The following MAP2K5 variants were observed in gnomAD, a reference collection of about 807,000 sequenced individuals.
MAP2K5 encodes dual specificity mitogen-activated protein kinase kinase 5.
MAP2K5 carries 49 observed loss-of-function variants against 83.1 expected under a neutral mutation model. That is an observed-to-expected ratio of 0.59 (90% CI 0.47 to 0.75). The LOEUF (loss-of-function observed/expected upper bound fraction) is 0.75. Ranked by LOEUF, MAP2K5 falls within the 30% of genes least tolerant of loss-of-function variation. The probability of loss-of-function intolerance (pLI) is 0.00; values close to 1 mark genes in which losing one functional copy is unlikely to be tolerated. For missense variants in MAP2K5, 457 were observed against 557.5 expected (o/e 0.82, Z 1.82); for synonymous variants, 202 against 191.8 (o/e 1.05, Z -0.44).
intron 21 of MAP2K5, among the ~76,000 whole-genome samples, chr15:67,798,367 G>T (rs540169763): frequency 6.6e-6 from 1 of 152,174 alleles, no homozygotes; most frequent in African/African-American, 2.4e-5. Context: ...CAGGCCAGTG[G>T]CACAATTCTG....
chr15:67,710,750 C>T (rs1358043685), intron 16 of MAP2K5, among the ~76,000 whole-genome samples: 13 of 152,064 alleles, frequency 8.5e-5, no homozygotes, highest in African/African-American at 9.7e-5. Context: ...GTGATCCACC[C>T]GCCTTGGCCT....
In MAP2K5 at chr15:67,698,497, T is replaced by C. The variant is rs1022703444; in HGVS notation, c.973-4840T>C. On this transcript the variant is annotated intron_variant, in intron 15 of 21. Coordinates refer to ENST00000178640, the MANE Select transcript of MAP2K5 (RefSeq NM_145160.3). This position sits in a 1 kb window ranked among gnomAD's most constrained non-coding sequence, Gnocchi z 4.5. ...GAGCCACCACGCTCAGCCCAGAAATTCTAATTACTAAAAATTTTATTATGT... is the reference window on the plus strand; with the variant it reads ...GAGCCACCACGCTCAGCCCAGAAATCCTAATTACTAAAAATTTTATTATGT... Among the ~76,000 whole-genome samples, 1 of 152,186 alleles carries C rather than the reference T, an allele frequency of 6.6e-6. No individual in the cohort carries two copies. The highest frequency in any genetic ancestry group is 2.4e-5 in the African/African-American group (1 of 41,448).
At chr15:67,730,714 T>C (rs950608679) in intron 17 of MAP2K5, among the ~76,000 whole-genome samples, 2 of 152,196 alleles carry the variant, frequency 1.3e-5, no homozygotes, top group Non-Finnish European at 2.9e-5. Context: ...ATTGGTTTGA[T>C]TGTTCCTAGG....
intron 3 of MAP2K5, among the ~76,000 whole-genome samples, chr15:67,569,821 C>T (rs943968157): frequency 6.6e-6 from 1 of 152,222 alleles, no homozygotes; most frequent in Non-Finnish European, 1.5e-5. Context: ...GCTCTGCTCC[C>T]AGTTCAGTTC....
Position 67,654,470 on chromosome 15 carries a change from T to A in MAP2K5, c.737-4083T>A, listed in dbSNP as rs191198971. The stretch of plus-strand genomic sequence containing the variant: ...ACAGCATATAGTTGGATCATTTTTT[T>A]AAAAATCAATTCTGCCAATCTCTTA... On this transcript the variant is annotated intron_variant, in intron 11 of 21. Coordinates refer to ENST00000178640, the MANE Select transcript of MAP2K5 (RefSeq NM_145160.3). 7.2e-3 allele frequency among the ~76,000 whole-genome samples: 1,096 copies of A among 152,294 alleles called. 10 individuals are homozygous for A. Among genetic ancestry groups the A allele is most frequent in the Non-Finnish European group, 0.012 (785 of 68,004 alleles).
At chr15:67,739,813 T>C (rs1018063562) in intron 17 of MAP2K5, among the ~76,000 whole-genome samples, 1 of 152,122 alleles carries the variant, frequency 6.6e-6, no homozygotes, top group Non-Finnish European at 1.5e-5. Context: ...TTATCCCATA[T>C]GAACCATGTA....
At chr15:67,602,271 G>C (rs1405779189) in intron 8 of MAP2K5, among the ~76,000 whole-genome samples, 1 of 152,220 alleles carries the variant, frequency 6.6e-6, no homozygotes. Flanking sequence ...GAAAGAGGAA[G>C]AAGGAACATG....
intron 6 of MAP2K5, among the ~76,000 whole-genome samples, chr15:67,589,701 A>G (rs1159374299): frequency 1.3e-5 from 2 of 152,168 alleles, no homozygotes; most frequent in Non-Finnish European, 2.9e-5. Context: ...GCATCTTTAC[A>G]ATAATTGGAA....
rs1368068983 is a variant in MAP2K5, at chr15:67,768,784, T to C, written c.1135-818T>C. Among the ~76,000 whole-genome samples the C allele has an allele frequency of 6.6e-6, 1 of 152,230 alleles. No individual in the cohort carries two copies. The highest frequency in any genetic ancestry group is 1.5e-5 in the Non-Finnish European group (1 of 68,042). ...TACTCTGCAGTGTAATTTTATTACA[T>C]CCTGAGCTGTTACACTATAAACACA... On this transcript the variant is annotated intron_variant, in intron 19 of 21. Coordinates refer to ENST00000178640, the MANE Select transcript of MAP2K5 (RefSeq NM_145160.3). This position sits in a 1 kb window ranked among gnomAD's most constrained non-coding sequence, Gnocchi z 4.0.
At position 67,802,206 on chromosome 15, in the gene MAP2K5, G is replaced by A. The variant is rs1042772229; in HGVS notation, c.1243-4440G>A. Among the ~76,000 whole-genome samples, 7 of 152,254 alleles carry A rather than the reference G, an allele frequency of 4.6e-5. No homozygotes were observed. The highest frequency in any genetic ancestry group is 7.3e-5 in the Non-Finnish European group (5 of 68,044). On this transcript the variant is annotated intron_variant, in intron 21 of 21. Coordinates refer to ENST00000178640, the MANE Select transcript of MAP2K5 (RefSeq NM_145160.3). The surrounding 1 kb of genome is among the most constrained non-coding windows in gnomAD (Gnocchi z 5.0). ...AGGGACGTTAGTACAGAGGCAAAGAGTCAAACTAGTGACACACTGACTAAA... is the reference window on the plus strand; with the variant it reads ...AGGGACGTTAGTACAGAGGCAAAGAATCAAACTAGTGACACACTGACTAAA...
rs3784689 is a variant in MAP2K5 at position 67,548,126 on chromosome 15, T to G, written c.136-1908T>G. ...CACTGAGCAGGTTTTCAGTTGGTTG[T>G]TAGAACTCTGCACTTTGATGGGGTC... is the stretch of plus-strand genomic sequence containing the variant. On this transcript the variant is annotated intron_variant, in intron 1 of 21. Coordinates refer to ENST00000178640, the MANE Select transcript of MAP2K5 (RefSeq NM_145160.3). Among the ~76,000 whole-genome samples, 24 of 152,334 alleles carry G rather than the reference T, an allele frequency of 1.6e-4. No individual in the cohort carries two copies. In the East Asian group the frequency reaches 4.6e-3, roughly 29 times the overall value.
At chr15:67,651,936 C>A (rs577312249) in intron 11 of MAP2K5, among the ~76,000 whole-genome samples, 1 of 152,124 alleles carries the variant, frequency 6.6e-6, no homozygotes, top group African/African-American at 2.4e-5. Context: ...TGAGGAATTT[C>A]CATACTGTTT....
intron 8 of MAP2K5, among the ~76,000 whole-genome samples, chr15:67,624,424 C>G (rs1175054282): frequency 6.6e-6 from 1 of 151,568 alleles, no homozygotes; most frequent in Non-Finnish European, 1.5e-5. Flanking sequence ...GCTCTTCTGC[C>G]TCCCAGGATA....
intron 4 of MAP2K5, 124 bp from the exon 5 acceptor site, chr15:67,585,766 C>T: frequency 1.3e-6 from 1 of 784,706 alleles, no homozygotes; most frequent in Non-Finnish European, 2.2e-6. Context: ...TCTTGGGAGC[C>T]ACTTTTCAAT....
At chr15:67,609,323 T>G (rs903925469) in intron 8 of MAP2K5, among the ~76,000 whole-genome samples, 5 of 151,866 alleles carry the variant, frequency 3.3e-5, no homozygotes, top group Non-Finnish European at 5.9e-5. Flanking sequence ...TATCCAGAAC[T>G]CACACTAGTG....
chr15:67,621,048 T>A (rs182287337), intron 8 of MAP2K5, among the ~76,000 whole-genome samples: 8 of 50,624 alleles, frequency 1.6e-4, no homozygotes, highest in African/African-American at 3.4e-4. Context: ...TTTTAGACTG[T>A]ATTGGGAGAA....
intron 8 of MAP2K5, among the ~76,000 whole-genome samples, chr15:67,608,912 A>G (rs574465923): frequency 2.0e-4 from 30 of 152,258 alleles, no homozygotes; most frequent in African/African-American, 7.2e-4. Context: ...CAGGGCCAGC[A>G]CGGTGCCTTA....
At chr15:67,670,436 C>G in intron 13 of MAP2K5, 1 of 455,706 alleles carries the variant, frequency 2.2e-6, no homozygotes, top group Non-Finnish European at 4.4e-6. Context: ...AAGACCTGTG[C>G]ACCTGAAAAG....
intron 21 of MAP2K5, among the ~76,000 whole-genome samples, chr15:67,776,316 A>G (rs993293899): frequency 7.3e-5 from 11 of 151,644 alleles, no homozygotes; most frequent in African/African-American, 2.2e-4. Context: ...GACCTGTGTC[A>G]GTGCTGCCCC....
Sources: allele counts gnomAD v4.1 joint callset (sites outside exome capture counted in the v4.1 genomes callset), GRCh38; gene constraint gnomAD v4.1.1; non-coding constraint Gnocchi (gnomAD v3.1); transcripts MANE v1.5; gene names NCBI Gene and HGNC (gene_info 2026-07-23, HGNC 2026-07-21).